Variants in CNTNAP2 observed in about 807,000 individuals in gnomAD.
CNTNAP2 encodes contactin-associated protein-like 2.
Under a neutral mutation model 155.2 loss-of-function variants are expected in CNTNAP2, and 98 were observed. That is an observed-to-expected ratio of 0.63 (90% CI 0.54 to 0.75). The LOEUF (loss-of-function observed/expected upper bound fraction) is 0.75, where lower values mean the gene tolerates loss of function less well. Ranked by LOEUF, CNTNAP2 falls within the 30% of genes least tolerant of loss-of-function variation. CNTNAP2 has a pLI of 0.00. For missense variants in CNTNAP2, 1,727 were observed against 1,688.1 expected (o/e 1.02, Z -0.40); for synonymous variants, 651 against 631.2 (o/e 1.03, Z -0.47).
intron 3 of CNTNAP2, among the ~76,000 whole-genome samples, chr7:146,981,916 G>A (rs981713392): frequency 5.9e-5 from 9 of 152,112 alleles, no homozygotes; most frequent in Admixed American, 3.3e-4. Context: ...TATAATCTTC[G>A]TCACAAATAT....
intron 15 of CNTNAP2, among the ~76,000 whole-genome samples, chr7:148,012,224 C>T (rs567119916): frequency 2.6e-4 from 40 of 152,336 alleles, no homozygotes; most frequent in African/African-American, 9.1e-4. Flanking sequence ...CCAACCCTTC[C>T]CCTTCTTTTT....
chr7:146,965,183 A>G (rs1038309516), intron 3 of CNTNAP2, among the ~76,000 whole-genome samples: 1 of 152,056 alleles, frequency 6.6e-6, no homozygotes, highest in Non-Finnish European at 1.5e-5. Context: ...CTAAGGAAGA[A>G]TTGCAGGCAC....
chr7:146,269,453 A>G (rs939757763), intron 1 of CNTNAP2, among the ~76,000 whole-genome samples: 2 of 152,164 alleles, frequency 1.3e-5, no homozygotes, highest in Non-Finnish European at 2.9e-5. Context: ...CATTGGTACC[A>G]CCTATTGATT....
At chr7:146,632,787 A>T (rs1799531023) in intron 1 of CNTNAP2, among the ~76,000 whole-genome samples, 2 of 152,152 alleles carry the variant, frequency 1.3e-5, no homozygotes, top group East Asian at 3.9e-4. Context: ...TAAAATTATA[A>T]TCTATGAATA....
chr7:146,643,733 T>A (rs1416562840), intron 1 of CNTNAP2, among the ~76,000 whole-genome samples: 4 of 152,180 alleles, frequency 2.6e-5, no homozygotes, highest in Non-Finnish European at 4.4e-5. Flanking sequence ...TGGCATTGAA[T>A]CTATAAATTA....
intron 8 of CNTNAP2, among the ~76,000 whole-genome samples, chr7:147,211,891 G>T (rs981322399): frequency 2.0e-5 from 3 of 151,826 alleles, no homozygotes; most frequent in African/African-American, 7.2e-5. Flanking sequence ...GACAATATTT[G>T]CAAACTATGC....
At chr7:147,886,571 G>A (rs1680413487) in intron 13 of CNTNAP2, among the ~76,000 whole-genome samples, 1 of 144,812 alleles carries the variant, frequency 6.9e-6, no homozygotes, top group Admixed American at 7.0e-5. Context: ...TCATTTCCAA[G>A]TTGCTATGTC....
chr7:147,108,371 C>T lies in CNTNAP2; in HGVS notation c.754+21C>T, dbSNP rs568422208. On this transcript the variant is annotated intron_variant, in intron 5 of 23. Transcript: ENST00000361727. The stretch of plus-strand genomic sequence containing the variant: ...CTTAGGTGTGTTCTGACTGTCAGTT[C>T]TATTCTTTCCGTTATGGATGTTCCC... The T allele has an allele frequency of 2.5e-6, 4 of 1,594,548 alleles. No homozygotes were observed. The East Asian group carries it at 9.0e-5, about 36-fold the overall frequency.
intron 18 of CNTNAP2, among the ~76,000 whole-genome samples, chr7:148,184,873 G>A (rs1299936479): frequency 6.6e-6 from 1 of 152,156 alleles, no homozygotes; most frequent in Admixed American, 6.5e-5. Flanking sequence ...AGGCTGTGAG[G>A]ATCAAATGAG....
intron 9 of CNTNAP2, among the ~76,000 whole-genome samples, chr7:147,330,774 C>G (rs1427327412): frequency 6.6e-6 from 1 of 152,126 alleles, no homozygotes; most frequent in Non-Finnish European, 1.5e-5. Flanking sequence ...CAGGTAAAAA[C>G]CTGAACATTT....
At chr7:146,809,824 C>G (rs1563240380) in intron 2 of CNTNAP2, among the ~76,000 whole-genome samples, 1 of 152,054 alleles carries the variant, frequency 6.6e-6, no homozygotes, top group Non-Finnish European at 1.5e-5. Context: ...TTGATTGTTT[C>G]CTTTGCTGTA....
intron 2 of CNTNAP2, among the ~76,000 whole-genome samples, chr7:146,807,630 G>A (rs1437083990): frequency 6.6e-6 from 1 of 151,830 alleles, no homozygotes; most frequent in Non-Finnish European, 1.5e-5. Context: ...CCTAACCCAC[G>A]CTTTGGAACC....
Position 146,163,809 on chromosome 7 carries a change from TC to T in CNTNAP2, c.97+46837del, listed in dbSNP as rs528274128. 1.5e-3 allele frequency among the ~76,000 whole-genome samples: 228 copies of T among 152,146 alleles called. 1 individual carries two copies. Among genetic ancestry groups the T allele is most frequent in the African/African-American group, 5.4e-3 (225 of 41,534 alleles). ...AGGGCAGACAAAAGAAAGAGATCAT[TC>T]AAGATTTACACAAGATTGTTTTTAT... is the stretch of plus-strand genomic sequence containing the variant. On this transcript the variant is annotated intron_variant, in intron 1 of 23. Transcript: ENST00000361727.
intron 13 of CNTNAP2, among the ~76,000 whole-genome samples, chr7:147,714,820 G>A (rs759877887): frequency 2.0e-5 from 3 of 150,196 alleles, no homozygotes; most frequent in Non-Finnish European, 4.5e-5. Flanking sequence ...TCTTCATTGT[G>A]CTACTTATTT....
intron 1 of CNTNAP2, among the ~76,000 whole-genome samples, chr7:146,488,753 C>T (rs1797096007): frequency 1.3e-5 from 2 of 152,100 alleles, no homozygotes; most frequent in Admixed American, 1.3e-4. Context: ...CTCACCTGCC[C>T]AAGTAGCTGG....
intron 3 of CNTNAP2, among the ~76,000 whole-genome samples, chr7:146,953,333 G>C (rs1031958336): frequency 6.6e-6 from 1 of 151,938 alleles, no homozygotes; most frequent in Non-Finnish European, 1.5e-5. Flanking sequence ...CATTTAGTGT[G>C]TATGTCACTA....
intron 14 of CNTNAP2, among the ~76,000 whole-genome samples, chr7:147,914,716 A>AT (rs1800129738): frequency 6.6e-6 from 1 of 151,964 alleles, no homozygotes; most frequent in Admixed American, 6.6e-5. Flanking sequence ...CATCTAGCTA[A>AT]TTTTTTGTAT....
At chr7:147,046,763 C>T (rs943029525) in intron 4 of CNTNAP2, among the ~76,000 whole-genome samples, 1 of 152,058 alleles carries the variant, frequency 6.6e-6, no homozygotes. Flanking sequence ...GGCGCGGTGG[C>T]TCACACCTGT....
At chr7:147,592,203 G>A (rs7797645) in intron 12 of CNTNAP2, among the ~76,000 whole-genome samples, 104,090 of 152,036 alleles carry the variant, frequency 0.68, 36,112 homozygotes, top group African/African-American at 0.78. Context: ...TTTGTTACAT[G>A]AGTGAATGAA....
Sources: gnomAD v4.1 joint callset for allele counts (sites outside exome capture counted in the v4.1 genomes callset) on GRCh38, gnomAD v4.1.1 for gene constraint, MANE v1.5 for transcripts, NCBI Gene and HGNC (gene_info 2026-07-23, HGNC 2026-07-21) for gene names.